GRIN2B: variants seen among roughly 807,000 people sequenced by gnomAD.
The protein encoded by GRIN2B is glutamate ionotropic receptor NMDA type subunit 2B, also known as glutamate receptor ionotropic, NMDA 2B.
In GRIN2B, 5 loss-of-function variants were observed where a neutral mutation model predicts 114.5. The ratio of observed to expected loss-of-function variants is 0.04; its 90% confidence interval spans 0.02 to 0.09. The LOEUF is 0.09. Ranked by LOEUF, GRIN2B falls within the 10% of genes least tolerant of loss-of-function variation. The pLI is 1.00. For missense variants in GRIN2B, 1,108 were observed against 1,943.5 expected (o/e 0.57, Z 8.08); for synonymous variants, 787 against 745.1 (o/e 1.06, Z -0.92).
rs1285660923 is a variant in GRIN2B, at chr12:13,537,373, T to G, written c.*25410A>C. On this transcript the variant is annotated 3_prime_UTR_variant, in exon 14 of 14. Transcript: ENST00000609686. Reference sequence around the variant, plus strand: ...TTTAAATTTTATGTGTAGAATTTCCTTTACATAGAGGAGCTTTGCAGTATG... The same window carrying G: ...TTTAAATTTTATGTGTAGAATTTCCGTTACATAGAGGAGCTTTGCAGTATG... 1 of 152,190 alleles carries G rather than the reference T, an allele frequency of 6.6e-6. No individual in the cohort carries two copies. The highest frequency in any genetic ancestry group is 2.4e-5 in the African/African-American group (1 of 41,448). The allele number at this position is 152,190 out of a possible 1,614,324, so 9.4% of individuals were successfully genotyped here.
intron 5 of GRIN2B, among the ~76,000 whole-genome samples, chr12:13,636,773 T>C (rs1249389946): frequency 5.9e-5 from 9 of 152,140 alleles, no homozygotes. Context: ...AAAGCCCAGG[T>C]CTGCTAGTGA....
intron 5 of GRIN2B, among the ~76,000 whole-genome samples, chr12:13,661,894 G>A (rs1949927224): frequency 6.6e-6 from 1 of 152,158 alleles, no homozygotes; most frequent in African/African-American, 2.4e-5. Flanking sequence ...TATAGAACAT[G>A]TCGATGGCCC....
At chr12:13,737,699 G>C (rs371648093) in intron 4 of GRIN2B, among the ~76,000 whole-genome samples, 1 of 152,230 alleles carries the variant, frequency 6.6e-6, no homozygotes, top group Non-Finnish European at 1.5e-5. Flanking sequence ...GTGGAAGAAA[G>C]GGATTGAAGC....
intron 5 of GRIN2B, among the ~76,000 whole-genome samples, chr12:13,640,945 A>G (rs1949709118): frequency 6.6e-6 from 1 of 152,136 alleles, no homozygotes. Context: ...TGGTGGACAC[A>G]ACTCTGTTGT....
intron 5 of GRIN2B, among the ~76,000 whole-genome samples, chr12:13,642,575 C>A (rs1191579526): frequency 1.3e-5 from 2 of 152,178 alleles, no homozygotes; most frequent in African/African-American, 4.8e-5. Flanking sequence ...ATGACACTTA[C>A]ATATAAGATT....
At chr12:13,640,020 T>C (rs1205431392) in intron 5 of GRIN2B, among the ~76,000 whole-genome samples, 1 of 152,144 alleles carries the variant, frequency 6.6e-6, no homozygotes, top group African/African-American at 2.4e-5. Flanking sequence ...TTTCCACTTA[T>C]GGTATCATTG....
At chr12:13,758,564 T>C (rs1489858980) in intron 3 of GRIN2B, among the ~76,000 whole-genome samples, 1 of 152,230 alleles carries the variant, frequency 6.6e-6, no homozygotes, top group East Asian at 1.9e-4. Flanking sequence ...TAAAATGGAA[T>C]GGGTCTCCTA....
chr12:13,587,615 A>T (rs886999317), intron 10 of GRIN2B, among the ~76,000 whole-genome samples: 3 of 152,130 alleles, frequency 2.0e-5, no homozygotes, highest in Non-Finnish European at 4.4e-5. Flanking sequence ...TCAACCTCCC[A>T]AAGTGCTGGG....
chr12:13,774,111 G>C (rs1030466049), intron 3 of GRIN2B, among the ~76,000 whole-genome samples: 1 of 152,180 alleles, frequency 6.6e-6, no homozygotes, highest in African/African-American at 2.4e-5. Context: ...ATACTAGAGA[G>C]AACTTCAGAA....
chr12:13,819,732 G>T (rs1173619362), intron 3 of GRIN2B, among the ~76,000 whole-genome samples: 1 of 152,142 alleles, frequency 6.6e-6, no homozygotes, highest in Non-Finnish European at 1.5e-5. Flanking sequence ...GCTGCCAAAT[G>T]AATTCACATT....
At chr12:13,899,818 T>C (rs963167147) in intron 2 of GRIN2B, among the ~76,000 whole-genome samples, 1 of 106,974 alleles carries the variant, frequency 9.3e-6, no homozygotes, top group African/African-American at 2.6e-5. Flanking sequence ...ATGTGCTTTA[T>C]AGAAGACAGT....
rs558798531 is a variant in GRIN2B at position 13,595,335 on chromosome 12, C to T, written c.2010+13268G>A. Reference sequence around the variant, plus strand: ...GGTGGATCCTGCCTGCCCTTGACTACAGGTATTCTGAGGATCGATACATTT... The same window carrying T: ...GGTGGATCCTGCCTGCCCTTGACTATAGGTATTCTGAGGATCGATACATTT... On this transcript the variant is annotated intron_variant, in intron 10 of 13. Coordinates refer to ENST00000609686, the MANE Select transcript of GRIN2B (RefSeq NM_000834.5). Among the ~76,000 whole-genome samples the T allele has an allele frequency of 3.9e-5, 6 of 152,256 alleles. No individual in the cohort carries two copies. In the South Asian group the frequency reaches 1.2e-3, roughly 32 times the overall value.
chr12:13,735,897 A>AT (rs3216540), intron 4 of GRIN2B, among the ~76,000 whole-genome samples: 116,459 of 148,308 alleles, frequency 0.79, 45,600 homozygotes, highest in Admixed American at 0.85. Flanking sequence ...GGAAGACAGG[A>AT]TTTTTTTTTT....
intron 5 of GRIN2B, among the ~76,000 whole-genome samples, chr12:13,651,345 C>T (rs560516782): frequency 2.4e-4 from 37 of 152,126 alleles, no homozygotes; most frequent in Admixed American, 1.2e-3. Context: ...GTGTAGACAG[C>T]GGGGCCTCCA....
chr12:13,682,498 T>C (rs897337843), intron 4 of GRIN2B, among the ~76,000 whole-genome samples: 2 of 152,350 alleles, frequency 1.3e-5, no homozygotes, highest in East Asian at 1.9e-4. Context: ...ATGGTGTTTA[T>C]ACCATTAATT....
At chr12:13,944,666 AG>A (rs1193992832) in intron 2 of GRIN2B, among the ~76,000 whole-genome samples, 1 of 152,236 alleles carries the variant, frequency 6.6e-6, no homozygotes, top group Non-Finnish European at 1.5e-5. Flanking sequence ...GCATCAGAAA[AG>A]TGCAACAACT....
chr12:13,821,829 TC>T (rs1274150691), intron 3 of GRIN2B, among the ~76,000 whole-genome samples: 1 of 152,222 alleles, frequency 6.6e-6, no homozygotes, highest in Non-Finnish European at 1.5e-5. Flanking sequence ...GACCAGAAGT[TC>T]TTTTACCAAC....
intron 2 of GRIN2B, among the ~76,000 whole-genome samples, chr12:13,895,473 A>G (rs945181964): frequency 6.6e-6 from 1 of 152,176 alleles, no homozygotes; most frequent in East Asian, 1.9e-4. Context: ...GTGGTCACTA[A>G]TATCTCAATT....
In GRIN2B at chr12:13,541,355, G is replaced by T. The variant is rs367593711; in HGVS notation, c.*21428C>A. 6.6e-6 allele frequency: 1 copy of T among 152,172 alleles called. No homozygotes were observed. The highest frequency in any genetic ancestry group is 2.4e-5 in the African/African-American group (1 of 41,444). The allele number at this position is 152,172 out of a possible 1,614,324, so 9.4% of individuals were successfully genotyped here. On this transcript the variant is annotated 3_prime_UTR_variant, in exon 14 of 14. Coordinates refer to ENST00000609686, the MANE Select transcript of GRIN2B (RefSeq NM_000834.5). ...TCCTTTAACAAATAGGCGTACCCAG[G>T]TTACCCCATTAACCAGGGGTGGGAG...
Sources: allele counts gnomAD v4.1 joint callset (sites outside exome capture counted in the v4.1 genomes callset), GRCh38; gene constraint gnomAD v4.1.1; transcripts MANE v1.5; gene names NCBI Gene and HGNC (gene_info 2026-07-23, HGNC 2026-07-21).